The following CSRNP3 variants were observed in gnomAD, a reference collection of about 807,000 sequenced individuals.
The protein encoded by CSRNP3 is cysteine and serine rich nuclear protein 3.
In CSRNP3, 12 loss-of-function variants were observed where a neutral mutation model predicts 48.0. The ratio of observed to expected loss-of-function variants is 0.25; its 90% confidence interval spans 0.16 to 0.41. The LOEUF (loss-of-function observed/expected upper bound fraction) is 0.41, where lower values mean the gene tolerates loss of function less well. Among genes scored for constraint, CSRNP3 ranks in the 10% least tolerant of loss-of-function variants. The pLI, the probability that CSRNP3 is intolerant of heterozygous loss-of-function variation, is 1.00. For synonymous variants in CSRNP3, 263 were observed against 269.7 expected (o/e 0.98, Z 0.24); for missense variants, 580 against 724.4 (o/e 0.80, Z 2.29).
At position 165,676,458 on chromosome 2, in the gene CSRNP3, G is replaced by C. The variant is rs775797316; in HGVS notation, c.555G>C (p.Leu185=). The change falls in exon 6 of 7, where the codon CTG becomes CTC. Residue 185 remains leucine, a synonymous_variant. Coordinates refer to ENST00000651982, the MANE Select transcript of CSRNP3 (RefSeq NM_001172173.2). Reference sequence around the variant, plus strand: ...TGCCAACAAAAAAACGAAGAGCTCTGCTGCGTGCCTCTGGAGTGAAAAAGA... The same window carrying C: ...TGCCAACAAAAAAACGAAGAGCTCTCCTGCGTGCCTCTGGAGTGAAAAAGA... The part of the protein sequence containing the change: ...QPLPTKKRRA[L]LRASGVKKID... 14 of 1,614,172 alleles carry C rather than the reference G, an allele frequency of 8.7e-6. No individual in the cohort carries two copies.
chr2:165,500,030 A>T (rs1004865428), intron 2 of CSRNP3, among the ~76,000 whole-genome samples: 2 of 150,106 alleles, frequency 1.3e-5, no homozygotes, highest in African/African-American at 2.5e-5. Context: ...ACTGCAACAG[A>T]CTTAGCATCA....
At chr2:165,524,228 G>A (rs1333967245) in intron 3 of CSRNP3, among the ~76,000 whole-genome samples, 4 of 152,076 alleles carry the variant, frequency 2.6e-5, no homozygotes, top group Non-Finnish European at 5.9e-5. Context: ...GCAGGAGGAG[G>A]GAAGGACGAT....
chr2:165,482,117 A>G (rs1460965571), intron 1 of CSRNP3, among the ~76,000 whole-genome samples: 1 of 152,176 alleles, frequency 6.6e-6, no homozygotes, highest in Non-Finnish European at 1.5e-5. Context: ...AATAGCTACT[A>G]TTAGCCCCAT....
intron 4 of CSRNP3, among the ~76,000 whole-genome samples, chr2:165,650,773 T>A (rs1028616324): frequency 6.8e-6 from 1 of 147,456 alleles, no homozygotes; most frequent in Non-Finnish European, 1.5e-5. Flanking sequence ...TCACTTCTAC[T>A]AAGTTTCATC....
intron 2 of CSRNP3, among the ~76,000 whole-genome samples, chr2:165,514,911 T>A (rs6758660): frequency 0.24 from 36,600 of 152,168 alleles, 4,687 homozygotes; most frequent in East Asian, 0.38. Flanking sequence ...TTAGTTAGGG[T>A]CAGTTTTATG....
intron 3 of CSRNP3, among the ~76,000 whole-genome samples, chr2:165,527,747 A>G (rs1225467875): frequency 2.6e-5 from 4 of 152,218 alleles, no homozygotes; most frequent in Non-Finnish European, 2.9e-5. Context: ...CATAAACAAC[A>G]TAAAGAGATA....
Position 165,574,509 on chromosome 2 carries a change from G to T in CSRNP3, c.-23-20534G>T, listed in dbSNP as rs888849702. ...TGGGCATTGGCTATTTTAATTCATC[G>T]TGGCAATTGGCAGGGTGTTCCTGGT... On this transcript the variant is annotated intron_variant, in intron 3 of 6. Transcript: ENST00000651982. 5 of 943,760 alleles carry T rather than the reference G, an allele frequency of 5.3e-6. No individual in the cohort carries two copies. The African/African-American group carries it at 6.7e-5, about 13-fold the overall frequency. 58.5% of individuals were successfully genotyped at this position (943,760 alleles called of 1,614,324 possible).
At chr2:165,619,291 C>T (rs1686300729) in intron 4 of CSRNP3, among the ~76,000 whole-genome samples, 2 of 152,110 alleles carry the variant, frequency 1.3e-5, no homozygotes, top group Admixed American at 1.3e-4. Context: ...TGACTTGTAA[C>T]ATTTAAAAAT....
chr2:165,612,542 T>C lies in CSRNP3; in HGVS notation c.148+17329T>C, dbSNP rs564753926. Among the ~76,000 whole-genome samples, 3 of 152,108 alleles carry C rather than the reference T, an allele frequency of 2.0e-5. No homozygotes were observed. In the East Asian group the frequency reaches 5.8e-4, roughly 29 times the overall value. On this transcript the variant is annotated intron_variant, in intron 4 of 6. Coordinates refer to ENST00000651982, the MANE Select transcript of CSRNP3 (RefSeq NM_001172173.2). ...TATTTCTCCCATCTAGCTATAACTTTTTATCTATTCATCAACGTCTTCCTG... is the reference window on the plus strand; with the variant it reads ...TATTTCTCCCATCTAGCTATAACTTCTTATCTATTCATCAACGTCTTCCTG...
At chr2:165,666,940 AAGAAAGAG>A (rs1484559980) in intron 5 of CSRNP3, among the ~76,000 whole-genome samples, 3 of 136,036 alleles carry the variant, frequency 2.2e-5, no homozygotes, top group Non-Finnish European at 4.8e-5. Flanking sequence ...GAGAAGAAGA[AAGAAAGAG>A]AGAGAGGAAG....
At chr2:165,584,242 A>G (rs1685592401) in intron 3 of CSRNP3, among the ~76,000 whole-genome samples, 1 of 152,150 alleles carries the variant, frequency 6.6e-6, no homozygotes, top group Non-Finnish European at 1.5e-5. Context: ...TTAACTGTAA[A>G]CACCTAGAGG....
chr2:165,487,627 T>G lies in CSRNP3; in HGVS notation c.-282-7132T>G, dbSNP rs1326784834. 7.9e-3 allele frequency among the ~76,000 whole-genome samples: 1,115 copies of G among 140,568 alleles called. 20 individuals are homozygous for G. Among genetic ancestry groups the G allele is most frequent in the African/African-American group, 0.028 (1,037 of 36,672 alleles). 92.2% of individuals were successfully genotyped at this position (140,568 alleles called of 152,430 possible). A position where few individuals can be genotyped will look rare whatever the true frequency, so the allele number is the denominator to read the frequency against. ...AGAAACCCTACAAGCCAGAAGAGAG[T>G]GGGGGCCAATATTCAACATTCTTAA... On this transcript the variant is annotated intron_variant, in intron 1 of 6. Transcript: ENST00000651982.
At position 165,685,542 on chromosome 2, in the gene CSRNP3, A is replaced by G. The variant is rs1228534777; in HGVS notation, c.*5789A>G. On this transcript the variant is annotated 3_prime_UTR_variant, in exon 7 of 7. Coordinates refer to ENST00000651982, the MANE Select transcript of CSRNP3 (RefSeq NM_001172173.2). ...TTACTTTTATATGTAGATTTTTTAAATATTCACATCTAGCCTGGAATTTTA... is the reference window on the plus strand; with the variant it reads ...TTACTTTTATATGTAGATTTTTTAAGTATTCACATCTAGCCTGGAATTTTA... 1 of 152,124 alleles carries G rather than the reference A, an allele frequency of 6.6e-6. No homozygotes were observed. Among genetic ancestry groups the G allele is most frequent in the Non-Finnish European group, 1.5e-5 (1 of 67,994 alleles). The allele number at this position is 152,124 out of a possible 1,614,324, so 9.4% of individuals were successfully genotyped here.
intron 3 of CSRNP3, among the ~76,000 whole-genome samples, chr2:165,518,779 C>T (rs1300251653): frequency 6.6e-6 from 1 of 151,962 alleles, no homozygotes; most frequent in Non-Finnish European, 1.5e-5. Flanking sequence ...GTATCTGTAT[C>T]TATTTCTCAT....
At chr2:165,488,209 A>G (rs916971398) in intron 1 of CSRNP3, among the ~76,000 whole-genome samples, 3 of 107,412 alleles carry the variant, frequency 2.8e-5, no homozygotes, top group African/African-American at 1.1e-4. Context: ...AGGCCATTAC[A>G]TGATGGTAAA....
intron 2 of CSRNP3, among the ~76,000 whole-genome samples, chr2:165,505,772 C>A (rs1270357424): frequency 1.1e-4 from 16 of 152,038 alleles, no homozygotes. Context: ...GTCAACATAA[C>A]CACATTCATT....
intron 3 of CSRNP3, among the ~76,000 whole-genome samples, chr2:165,587,007 T>C (rs1383102233): frequency 1.3e-5 from 2 of 152,202 alleles, no homozygotes; most frequent in East Asian, 3.9e-4. Flanking sequence ...AATGAAACAA[T>C]TGTACTTATA....
In CSRNP3 at chr2:165,616,835, T is replaced by C. The variant is rs544124031; in HGVS notation, c.148+21622T>C. On this transcript the variant is annotated intron_variant, in intron 4 of 6. Coordinates refer to ENST00000651982, the MANE Select transcript of CSRNP3 (RefSeq NM_001172173.2). ...GTCATTTGATGTTTTCCCACATTTT[T>C]CCATTCTTTAAATTTGTTTTTTTGT... is the stretch of plus-strand genomic sequence containing the variant. 3.0e-4 allele frequency among the ~76,000 whole-genome samples: 45 copies of C among 152,290 alleles called. 1 individual carries two copies. In the South Asian group the frequency reaches 9.1e-3, roughly 31 times the overall value.
At chr2:165,558,016 A>G (rs919178902) in intron 3 of CSRNP3, among the ~76,000 whole-genome samples, 1 of 152,200 alleles carries the variant, frequency 6.6e-6, no homozygotes, top group South Asian at 2.1e-4. Flanking sequence ...GAATAGTTCC[A>G]TAAGTTACTA....
Sources: allele counts gnomAD v4.1 joint callset (sites outside exome capture counted in the v4.1 genomes callset), GRCh38; gene constraint gnomAD v4.1.1; transcripts MANE v1.5; gene names NCBI Gene and HGNC (gene_info 2026-07-23, HGNC 2026-07-21).